LRFN2: variants seen among roughly 807,000 people sequenced by gnomAD.
LRFN2 encodes leucine rich repeat and fibronectin type III domain containing 2, also known as leucine-rich repeat and fibronectin type-III domain-containing protein 2.
In LRFN2, 18 loss-of-function variants were observed where a neutral mutation model predicts 37.3. That is an observed-to-expected ratio of 0.48 (90% CI 0.33 to 0.72). LRFN2 has a LOEUF of 0.72. Ranked by LOEUF, LRFN2 falls within the 30% of genes least tolerant of loss-of-function variation. LRFN2 has a pLI of 0.02. For synonymous variants in LRFN2, 556 were observed against 466.6 expected, an observed-to-expected ratio of 1.19 and a Z score of -2.47; for missense variants, 1,006 against 1,060.7, an observed-to-expected ratio of 0.95 and a Z score of 0.72.
chr6:40,399,122 C>G (rs776751643), intron 2 of LRFN2, among the ~76,000 whole-genome samples: 12 of 151,804 alleles, frequency 7.9e-5, no homozygotes, highest in Non-Finnish European at 1.5e-4. Context: ...TTTTTCGTCT[C>G]CAAGTGGTTT....
At chr6:40,582,282 G>C (rs1200437264) in intron 1 of LRFN2, among the ~76,000 whole-genome samples, 1 of 151,998 alleles carries the variant, frequency 6.6e-6, no homozygotes, top group African/African-American at 2.4e-5. Context: ...CTGTAGCTTA[G>C]CTCCTGCTGG....
At chr6:40,546,444 T>C (rs74638423) in intron 1 of LRFN2, among the ~76,000 whole-genome samples, 4,191 of 152,218 alleles carry the variant, frequency 0.028, 72 homozygotes, top group East Asian at 0.052. Context: ...CTGATTCAGG[T>C]TTATTAGGGG....
chr6:40,392,998 T>C lies in LRFN2; in HGVS notation c.1401-86A>G. The C allele has an allele frequency of 8.0e-6, 8 of 999,360 alleles. No homozygotes were observed. The highest frequency in any genetic ancestry group is 9.2e-6 in the Non-Finnish European group (7 of 758,770). 61.9% of individuals were successfully genotyped at this position (999,360 alleles called of 1,614,324 possible). A position where few individuals can be genotyped will look rare whatever the true frequency, so the allele number is the denominator to read the frequency against. ...GGAGTGGACAGAGGTAGAAACAGAG[T>C]GACAGAGATGGGGAGGGGGAGGGGA... is the stretch of plus-strand genomic sequence containing the variant. On this transcript the variant is annotated intron_variant, in intron 2 of 2. Coordinates refer to ENST00000338305, the MANE Select transcript of LRFN2 (RefSeq NM_020737.3). This position sits in a 1 kb window ranked among gnomAD's most constrained non-coding sequence, Gnocchi z 4.7.
intron 2 of LRFN2, among the ~76,000 whole-genome samples, chr6:40,420,402 C>T (rs1024957895): frequency 1.3e-5 from 2 of 152,232 alleles, no homozygotes; most frequent in Non-Finnish European, 2.9e-5. Flanking sequence ...AGTAAGCTTC[C>T]CTCTTTGCTT....
intron 1 of LRFN2, among the ~76,000 whole-genome samples, chr6:40,469,253 C>G (rs1055799499): frequency 1.3e-5 from 2 of 152,168 alleles, no homozygotes; most frequent in Non-Finnish European, 2.9e-5. Context: ...CCCCTACAGC[C>G]TTCAGAGGCA....
intron 1 of LRFN2, among the ~76,000 whole-genome samples, chr6:40,457,637 TAAAAA>T (rs70984171): frequency 3.9e-5 from 4 of 101,398 alleles, no homozygotes; most frequent in East Asian, 3.1e-4. Context: ...AGACCCTGTT[TAAAAA>T]AAAAAAAAAA....
intron 2 of LRFN2, among the ~76,000 whole-genome samples, chr6:40,405,403 T>C (rs1170235824): frequency 1.3e-5 from 2 of 152,178 alleles, no homozygotes; most frequent in African/African-American, 4.8e-5. Flanking sequence ...ATCCCCTTTC[T>C]GTAAAATGGG....
intron 2 of LRFN2, among the ~76,000 whole-genome samples, chr6:40,399,362 C>A (rs1266651414): frequency 2.0e-5 from 3 of 151,510 alleles, no homozygotes. Flanking sequence ...TGTTGTTGAC[C>A]TCTGAGCAGC....
chr6:40,446,134 T>C (rs1211648013), intron 1 of LRFN2, among the ~76,000 whole-genome samples: 2 of 152,218 alleles, frequency 1.3e-5, no homozygotes, highest in Non-Finnish European at 2.9e-5. Flanking sequence ...TAGGAAATTC[T>C]GCTGTTGTCG....
At chr6:40,577,078 A>ATTTTC (rs201046012) in intron 1 of LRFN2, among the ~76,000 whole-genome samples, 2,026 of 56,898 alleles carry the variant, frequency 0.036, 230 homozygotes, top group African/African-American at 0.13. Context: ...TCCAAGGCCC[A>ATTTTC]TTTTCTTTTC....
intron 1 of LRFN2, among the ~76,000 whole-genome samples, chr6:40,468,758 T>C (rs974206246): frequency 6.6e-6 from 1 of 152,072 alleles, no homozygotes; most frequent in Non-Finnish European, 1.5e-5. Context: ...GCAGCTGAGC[T>C]CCTGTTCCAC....
Position 40,432,972 on chromosome 6 carries a change from G to T in LRFN2, c.142C>A (p.Pro48Thr), listed in dbSNP as rs766389410. The T allele has an allele frequency of 1.9e-6, 3 of 1,613,140 alleles. No homozygotes were observed. The Admixed American group carries it at 5.0e-5, about 27-fold the overall frequency. ...CPSKGLLFVP[P>T]DIDRRTVELR... is the part of the protein sequence containing the mutation. Reference sequence around the variant, plus strand: ...TCCACTGTCCGCCGGTCAATATCAGGGGGTACAAAGAGCAGCCCCTTGGAG... The same window carrying T: ...TCCACTGTCCGCCGGTCAATATCAGTGGGTACAAAGAGCAGCCCCTTGGAG... Residue 48 changes from proline (P) to threonine (T), a missense_variant, in exon 2 of 3, where the codon CCT becomes ACT. Transcript: ENST00000338305.
chr6:40,574,476 C>T (rs1178381251), intron 1 of LRFN2, among the ~76,000 whole-genome samples: 2 of 152,070 alleles, frequency 1.3e-5, no homozygotes, highest in African/African-American at 2.4e-5. Flanking sequence ...GCAACAGAAA[C>T]ATCAGCCTCG....
chr6:40,558,464 G>A (rs1239894980), intron 1 of LRFN2, among the ~76,000 whole-genome samples: 1 of 152,176 alleles, frequency 6.6e-6, no homozygotes, highest in Non-Finnish European at 1.5e-5. Flanking sequence ...TGAGGCATTT[G>A]AGGGTTTGGC....
At chr6:40,417,394 C>T (rs1446630319) in intron 2 of LRFN2, among the ~76,000 whole-genome samples, 2 of 152,230 alleles carry the variant, frequency 1.3e-5, no homozygotes, top group African/African-American at 2.4e-5. Flanking sequence ...CCAAGGGCCA[C>T]ATTCATGTAT....
chr6:40,478,285 A>G lies in LRFN2; in HGVS notation c.-18-45154T>C, dbSNP rs536241238. On this transcript the variant is annotated intron_variant, in intron 1 of 2. Coordinates refer to ENST00000338305, the MANE Select transcript of LRFN2 (RefSeq NM_020737.3). Reference sequence around the variant, plus strand: ...ATAACCCTAGGAGACCAATGCTATTATTGGCCCATTTTACAAATTACAAAT... The same window carrying G: ...ATAACCCTAGGAGACCAATGCTATTGTTGGCCCATTTTACAAATTACAAAT... 2.0e-5 allele frequency among the ~76,000 whole-genome samples: 3 copies of G among 152,302 alleles called. No homozygotes were observed. In the South Asian group the frequency reaches 6.2e-4, roughly 32 times the overall value.
chr6:40,528,533 G>A (rs945496431), intron 1 of LRFN2, among the ~76,000 whole-genome samples: 2 of 152,202 alleles, frequency 1.3e-5, no homozygotes, highest in African/African-American at 4.8e-5. Context: ...AAAGTGGAGG[G>A]AGTCAAAGCC....
chr6:40,547,873 C>T (rs1414711453), intron 1 of LRFN2, among the ~76,000 whole-genome samples: 4 of 152,150 alleles, frequency 2.6e-5, no homozygotes, highest in African/African-American at 9.7e-5. Flanking sequence ...TTACCAGCCC[C>T]AGGGTATTTC....
chr6:40,399,562 T>C (rs1379557073), intron 2 of LRFN2, among the ~76,000 whole-genome samples: 2 of 150,124 alleles, frequency 1.3e-5, no homozygotes, highest in African/African-American at 2.4e-5. Flanking sequence ...TTCAGCCTCC[T>C]GAGTAACTGG....
Sources: gnomAD v4.1 joint callset for allele counts (sites outside exome capture counted in the v4.1 genomes callset) on GRCh38, gnomAD v4.1.1 for gene constraint, Gnocchi (gnomAD v3.1) non-coding constraint, MANE v1.5 for transcripts, NCBI Gene and HGNC (gene_info 2026-07-23, HGNC 2026-07-21) for gene names.